CACNA1C: variants seen among roughly 807,000 people sequenced by gnomAD.
CACNA1C encodes calcium voltage-gated channel subunit alpha1 C.
A neutral mutation model predicts 229.0 loss-of-function variants in CACNA1C; 30 were observed. That is an observed-to-expected ratio of 0.13 (90% CI 0.10 to 0.18). The LOEUF is 0.18. Ranked by LOEUF, CACNA1C falls within the 10% of genes least tolerant of loss-of-function variation. CACNA1C has a pLI of 1.00. For synonymous variants in CACNA1C, 1,114 were observed against 1,132.5 expected, an observed-to-expected ratio of 0.98 and a Z score of 0.33; for missense variants, 1,658 against 2,845.0, an observed-to-expected ratio of 0.58 and a Z score of 9.49.
chr12:2,649,802 T>TC lies in CACNA1C; in HGVS notation c.3945+1296dup, dbSNP rs1423016915. On this transcript the variant is annotated intron_variant, in intron 31 of 46. Coordinates refer to ENST00000399655, the MANE Select transcript of CACNA1C (RefSeq NM_000719.7). This position sits in a 1 kb window ranked among gnomAD's most constrained non-coding sequence, Gnocchi z 4.4. ...CTCCACTTAAGCTTGTTCTTTTTTT[T>TC]CTCCTTTCTCGAACACGGTGGAACT... Among the ~76,000 whole-genome samples the TC allele has an allele frequency of 2.0e-5, 3 of 151,904 alleles. No individual in the cohort carries two copies. The highest frequency in any genetic ancestry group is 4.4e-5 in the Non-Finnish European group (3 of 68,024).
In CACNA1C at chr12:2,689,161, A is replaced by G. The variant is rs1250060216; in HGVS notation, c.6117+382A>G. Among the ~76,000 whole-genome samples, 1 of 152,146 alleles carries G rather than the reference A, an allele frequency of 6.6e-6. No homozygotes were observed. Among genetic ancestry groups the G allele is most frequent in the African/African-American group, 2.4e-5 (1 of 41,432 alleles). On this transcript the variant is annotated intron_variant, in intron 46 of 46. Coordinates refer to ENST00000399655, the MANE Select transcript of CACNA1C (RefSeq NM_000719.7). This position sits in a 1 kb window ranked among gnomAD's most constrained non-coding sequence, Gnocchi z 4.2. Reference sequence around the variant, plus strand: ...GAGCTTTGGAAACCCGGGACAGATTAACTGATGATTGTTAAAGCTCTTCGA... The same window carrying G: ...GAGCTTTGGAAACCCGGGACAGATTGACTGATGATTGTTAAAGCTCTTCGA...
At chr12:2,577,796 A>G (rs1206410217) in intron 13 of CACNA1C, among the ~76,000 whole-genome samples, 5 of 152,190 alleles carry the variant, frequency 3.3e-5, no homozygotes, top group African/African-American at 7.2e-5. Context: ...TATAAATGTA[A>G]CAGATGGGTT....
chr12:1,999,606 G>C (rs2041724168), intron 1 of CACNA1C, among the ~76,000 whole-genome samples: 1 of 152,126 alleles, frequency 6.6e-6, no homozygotes. Context: ...CATGCCGGTA[G>C]TCTCAGCTAC....
At chr12:2,626,680 A>G (rs889395224) in intron 29 of CACNA1C, among the ~76,000 whole-genome samples, 1 of 152,100 alleles carries the variant, frequency 6.6e-6, no homozygotes, top group African/African-American at 2.4e-5. Flanking sequence ...GAGTAGTGTG[A>G]AGCAGCTATT....
At position 2,602,583 on chromosome 12, in the gene CACNA1C, A is replaced by G. The variant is rs892295050; in HGVS notation, c.2960+623A>G. On this transcript the variant is annotated intron_variant, in intron 22 of 46. Transcript: ENST00000399655. This position sits in a 1 kb window ranked among gnomAD's most constrained non-coding sequence, Gnocchi z 4.4. The stretch of plus-strand genomic sequence containing the variant: ...AATGTATATGTGTATGTATGTGCAT[A>G]TGTATGTGTGAGTGCATGTATGTGT... 6.6e-6 allele frequency among the ~76,000 whole-genome samples: 1 copy of G among 151,286 alleles called. No homozygotes were observed. Among genetic ancestry groups the G allele is most frequent in the African/African-American group, 2.4e-5 (1 of 41,044 alleles).
Position 2,468,949 on chromosome 12 carries a change from C to T in CACNA1C, c.757+11243C>T, listed in dbSNP as rs556593720. Among the ~76,000 whole-genome samples the T allele has an allele frequency of 5.3e-5, 8 of 152,310 alleles. No individual in the cohort carries two copies. The South Asian group carries it at 1.5e-3, about 28-fold the overall frequency. On this transcript the variant is annotated intron_variant, in intron 5 of 46. Transcript: ENST00000399655. The stretch of plus-strand genomic sequence containing the variant: ...CATGGCAGTTGCCCTCTGAATCATG[C>T]GTAATTTTCAGTCAGCTGACTTCTT...
intron 4 of CACNA1C, among the ~76,000 whole-genome samples, chr12:2,454,159 C>T (rs1026749111): frequency 6.6e-6 from 1 of 152,180 alleles, no homozygotes; most frequent in Admixed American, 6.5e-5. Flanking sequence ...TTTGAGTCAC[C>T]CCTCCTTGTG....
intron 1 of CACNA1C, among the ~76,000 whole-genome samples, chr12:2,106,952 A>G (rs1465848183): frequency 2.2e-5 from 2 of 89,554 alleles, no homozygotes; most frequent in African/African-American, 3.8e-5. Flanking sequence ...TCCTGAAGCC[A>G]CTGGGCGCCC....
At chr12:2,135,674 C>G (rs1026833175) in intron 3 of CACNA1C, among the ~76,000 whole-genome samples, 1 of 144,096 alleles carries the variant, frequency 6.9e-6, no homozygotes, top group Non-Finnish European at 1.5e-5. Flanking sequence ...TCTCAGATCT[C>G]CAGCCGCGTG....
intron 4 of CACNA1C, among the ~76,000 whole-genome samples, chr12:2,455,726 C>T (rs548657647): frequency 1.3e-4 from 20 of 152,130 alleles, no homozygotes; most frequent in Non-Finnish European, 2.5e-4. Flanking sequence ...CTAAACCCAG[C>T]GGTCGGTGTC....
intron 3 of CACNA1C, among the ~76,000 whole-genome samples, chr12:2,302,005 G>C (rs539198808): frequency 6.6e-6 from 1 of 152,192 alleles, no homozygotes; most frequent in Non-Finnish European, 1.5e-5. Flanking sequence ...CTTACAAAAA[G>C]TATGATCCAA....
intron 2 of CACNA1C, among the ~76,000 whole-genome samples, chr12:2,119,431 G>T (rs1456203174): frequency 6.6e-6 from 1 of 152,216 alleles, no homozygotes; most frequent in Non-Finnish European, 1.5e-5. Context: ...GGCCTTCCAT[G>T]GAGGGTGTGG....
At chr12:2,583,813 C>T (rs898145647) in intron 15 of CACNA1C, among the ~76,000 whole-genome samples, 3 of 152,238 alleles carry the variant, frequency 2.0e-5, no homozygotes, top group Admixed American at 1.3e-4. Flanking sequence ...GCCCCTCTTC[C>T]CCAGCCTGGG....
At position 2,029,834 on chromosome 12, in the gene CACNA1C, C is replaced by A. The variant is rs1348933738; in HGVS notation, c.139+58633C>A. On this transcript the variant is annotated intron_variant, in intron 1 of 46. Coordinates refer to the CACNA1C transcript ENST00000682462. The surrounding 1 kb of genome is among the most constrained non-coding windows in gnomAD (Gnocchi z 4.9). ...AACAGCAGAGAAAGTCTAGCTGCTG[C>A]TATGCTGGTGGGACCTGCTCTGTTA... 1.3e-5 allele frequency among the ~76,000 whole-genome samples: 2 copies of A among 152,208 alleles called. No homozygotes were observed. Among genetic ancestry groups the A allele is most frequent in the African/African-American group, 4.8e-5 (2 of 41,456 alleles).
chr12:2,195,710 G>A (rs1281902191), intron 3 of CACNA1C, among the ~76,000 whole-genome samples: 2 of 152,270 alleles, frequency 1.3e-5, no homozygotes, highest in African/African-American at 2.4e-5. Context: ...TCAGGGAGTC[G>A]CAAGATTATA....
chr12:2,655,063 C>A (rs1356067088), intron 33 of CACNA1C, 84 bp from the exon 34 acceptor site: 1 of 842,788 alleles, frequency 1.2e-6, no homozygotes, highest in African/African-American at 1.7e-5. Flanking sequence ...CCTGAGACCC[C>A]TGAAGAGACC....
intron 3 of CACNA1C, among the ~76,000 whole-genome samples, chr12:2,335,854 A>G (rs2154518346): frequency 6.6e-6 from 1 of 152,246 alleles, no homozygotes; most frequent in Non-Finnish European, 1.5e-5. Context: ...AATTGTCAAG[A>G]ATACTTCAAG....
At chr12:2,670,882 G>A (rs1218491349) in intron 38 of CACNA1C, among the ~76,000 whole-genome samples, 19 of 149,750 alleles carry the variant, frequency 1.3e-4, no homozygotes, top group Non-Finnish European at 1.2e-4. Flanking sequence ...ATAAAAATAG[G>A]ACAAGTTCTG....
At chr12:2,576,539 T>C (rs958035045) in intron 13 of CACNA1C, among the ~76,000 whole-genome samples, 12 of 152,288 alleles carry the variant, frequency 7.9e-5, no homozygotes, top group African/African-American at 2.9e-4. Context: ...GTGTATCTCA[T>C]ATTTTTGACC....
Sources: gnomAD v4.1 joint callset for allele counts (sites outside exome capture counted in the v4.1 genomes callset) on GRCh38, gnomAD v4.1.1 for gene constraint, Gnocchi (gnomAD v3.1) non-coding constraint, MANE v1.5 for transcripts, NCBI Gene and HGNC (gene_info 2026-07-23, HGNC 2026-07-21) for gene names.